The following KCNG2 variants were observed in gnomAD, a reference collection of about 807,000 sequenced individuals.
The protein encoded by KCNG2 is voltage-gated potassium channel regulatory subunit KCNG2.
Under a neutral mutation model 12.3 loss-of-function variants are expected in KCNG2, and 7 were observed. The observed-to-expected ratio is 0.57, with a 90% CI of 0.32 to 1.07. The LOEUF is 1.07. Among genes scored for constraint, KCNG2 ranks in the 50% least tolerant of loss-of-function variants. KCNG2 has a pLI of 0.04. For synonymous variants in KCNG2, 414 were observed against 351.4 expected, an observed-to-expected ratio of 1.18 and a Z score of -1.99; for missense variants, 703 against 726.0, an observed-to-expected ratio of 0.97 and a Z score of 0.36.
intron 1 of KCNG2, among the ~76,000 whole-genome samples, chr18:79,810,019 C>T (rs189567332): frequency 2.1e-4 from 32 of 152,310 alleles, no homozygotes; most frequent in East Asian, 1.4e-3. Context: ...GCCAGCCTCG[C>T]GGAGCCGCCC....
chr18:79,887,216 T>TAGGGTCACAGGGAC (rs1980557141), intron 3 of KCNG2, among the ~76,000 whole-genome samples: 8 of 149,460 alleles, frequency 5.4e-5, no homozygotes, highest in Admixed American at 5.3e-4. Context: ...CACGGGGATA[T>TAGGGTCACAGGGAC]AGGGTCACAG....
chr18:79,876,550 C>T (rs1025701429), intron 3 of KCNG2, among the ~76,000 whole-genome samples: 9 of 152,258 alleles, frequency 5.9e-5, no homozygotes, highest in Non-Finnish European at 1.3e-4. Context: ...TGACTTGGAA[C>T]GATTCTGTCC....
chr18:79,888,020 T>C (rs1197365171), intron 3 of KCNG2, among the ~76,000 whole-genome samples: 1 of 152,212 alleles, frequency 6.6e-6, no homozygotes, highest in Non-Finnish European at 1.5e-5. Flanking sequence ...TCTGAATGCA[T>C]TTAACACCCT....
chr18:79,867,238 T>A (rs1259972597), intron 3 of KCNG2, among the ~76,000 whole-genome samples: 1 of 151,880 alleles, frequency 6.6e-6, no homozygotes, highest in African/African-American at 2.4e-5. Flanking sequence ...GGTGTGGATC[T>A]TCCTGCCCCT....
In KCNG2 at chr18:79,880,201, A is replaced by G. The variant is rs114510595; in HGVS notation, c.624+15910A>G. Among the ~76,000 whole-genome samples the G allele has an allele frequency of 1.4e-3, 209 of 151,996 alleles. 1 individual carries two copies. Among genetic ancestry groups the G allele is most frequent in the African/African-American group, 4.8e-3 (198 of 41,474 alleles). ...ATGTGTAACATTAATATGCCAATAA[A>G]TGGCCAGATCAGCATTTAGAAGTAG... On this transcript the variant is annotated intron_variant, in intron 3 of 3. Coordinates refer to ENST00000316249, the MANE Select transcript of KCNG2 (RefSeq NM_012283.2).
rs149178929 is a variant in KCNG2, at chr18:79,891,863, G to A, written c.625-7177G>A. Among the ~76,000 whole-genome samples the A allele has an allele frequency of 1.1e-3, 173 of 152,226 alleles. 1 individual carries two copies. Among genetic ancestry groups the A allele is most frequent in the African/African-American group, 3.7e-3 (153 of 41,524 alleles). Reference sequence around the variant, plus strand: ...TGAGTTGTCCGGTGCCATGTTCTACGGATGTCTGTGAGGTCCATTTGGCTT... The same window carrying A: ...TGAGTTGTCCGGTGCCATGTTCTACAGATGTCTGTGAGGTCCATTTGGCTT... On this transcript the variant is annotated intron_variant, in intron 3 of 3. Transcript: ENST00000316249.
chr18:79,871,745 G>A (rs35235239), intron 3 of KCNG2, among the ~76,000 whole-genome samples: 125,822 of 152,232 alleles, frequency 0.83, 54,701 homozygotes, highest in Non-Finnish European at 0.95. Flanking sequence ...TCTGCGTCCC[G>A]TTGGCCTGGA....
chr18:79,821,595 C>T (rs1245757712), intron 1 of KCNG2, among the ~76,000 whole-genome samples: 2 of 152,256 alleles, frequency 1.3e-5, no homozygotes, highest in African/African-American at 2.4e-5. Context: ...TGGCCTTTTA[C>T]TTGAATTGTG....
chr18:79,855,908 C>A (rs551121958), intron 1 of KCNG2, among the ~76,000 whole-genome samples: 5 of 152,118 alleles, frequency 3.3e-5, no homozygotes, highest in Admixed American at 2.0e-4. Flanking sequence ...ATGTTGGAAG[C>A]CTTTTCCCCC....
intron 3 of KCNG2, among the ~76,000 whole-genome samples, chr18:79,867,301 G>A (rs1474467556): frequency 6.6e-6 from 1 of 151,972 alleles, no homozygotes; most frequent in African/African-American, 2.4e-5. Flanking sequence ...ACAAGGCCTG[G>A]GCAGAAGTGT....
chr18:79,816,213 T>C (rs1190426100), intron 1 of KCNG2: 4 of 152,398 alleles, frequency 2.6e-5, no homozygotes, highest in Non-Finnish European at 5.9e-5. Context: ...CTCTGTGGCA[T>C]TTCGGGGTGT....
intron 1 of KCNG2, among the ~76,000 whole-genome samples, chr18:79,826,055 G>C (rs1047470931): frequency 6.6e-6 from 1 of 152,254 alleles, no homozygotes; most frequent in Non-Finnish European, 1.5e-5. Context: ...AGCTCTCGGC[G>C]TCGGGGCCTG....
intron 1 of KCNG2, among the ~76,000 whole-genome samples, chr18:79,838,251 A>G (rs1294529011): frequency 6.6e-6 from 1 of 152,214 alleles, no homozygotes; most frequent in African/African-American, 2.4e-5. Context: ...AAAGTATACC[A>G]TAAAACAAAT....
chr18:79,864,347 C>G, intron 3 of KCNG2, 56 bp downstream of exon 3: 1 of 235,700 alleles, frequency 4.2e-6, no homozygotes, highest in Non-Finnish European at 7.8e-6. Flanking sequence ...GGGCTGGGAT[C>G]TGGGCTGCGG....
intron 1 of KCNG2, among the ~76,000 whole-genome samples, chr18:79,853,087 G>A (rs1001484332): frequency 1.3e-5 from 2 of 152,202 alleles, no homozygotes; most frequent in Non-Finnish European, 2.9e-5. Flanking sequence ...CTGTCCCTGC[G>A]GCAGTGCGTC....
In KCNG2 at chr18:79,884,173, C is replaced by G. The variant is rs538217910; in HGVS notation, c.625-14867C>G. 2.0e-4 allele frequency among the ~76,000 whole-genome samples: 31 copies of G among 152,320 alleles called. No homozygotes were observed. Among genetic ancestry groups the G allele is most frequent in the African/African-American group, 7.2e-4 (30 of 41,576 alleles). On this transcript the variant is annotated intron_variant, in intron 3 of 3. Transcript: ENST00000316249. This position sits in a 1 kb window ranked among gnomAD's most constrained non-coding sequence, Gnocchi z 5.5. ...CCAGCACGAAGCCAGAGCTCAGCTC[C>G]CCAGCACAGCACAGAAGCTGCAGGG... is the stretch of plus-strand genomic sequence containing the variant.
At chr18:79,893,863 G>T (rs1399295832) in intron 3 of KCNG2, among the ~76,000 whole-genome samples, 1 of 150,548 alleles carries the variant, frequency 6.6e-6, no homozygotes, top group African/African-American at 2.4e-5. Context: ...AGTTGGGTCT[G>T]TATCTGCTTT....
Position 79,895,795 on chromosome 18 carries a change from C to T in KCNG2, c.625-3245C>T, listed in dbSNP as rs140601043. ...CTGCTTTTCATTGGGTTGTTCACTCCATTCACATCTACTGTTTTGATTGAT... is the reference window on the plus strand; with the variant it reads ...CTGCTTTTCATTGGGTTGTTCACTCTATTCACATCTACTGTTTTGATTGAT... On this transcript the variant is annotated intron_variant, in intron 3 of 3. Coordinates refer to ENST00000316249, the MANE Select transcript of KCNG2 (RefSeq NM_012283.2). 4.1e-3 allele frequency among the ~76,000 whole-genome samples: 623 copies of T among 152,088 alleles called. 7 individuals carry two copies. The highest frequency in any genetic ancestry group is 0.014 in the African/African-American group (591 of 41,500).
intron 3 of KCNG2, among the ~76,000 whole-genome samples, chr18:79,892,177 CTCTT>C (rs1383892566): frequency 4.7e-5 from 7 of 149,884 alleles, no homozygotes; most frequent in East Asian, 3.9e-4. Flanking sequence ...TATGGAATGT[CTCTT>C]TCTCAATTTC....
Sources: gnomAD v4.1 joint callset for allele counts (sites outside exome capture counted in the v4.1 genomes callset) on GRCh38, gnomAD v4.1.1 for gene constraint, Gnocchi (gnomAD v3.1) non-coding constraint, MANE v1.5 for transcripts, NCBI Gene and HGNC (gene_info 2026-07-23, HGNC 2026-07-21) for gene names.